Variants in SPATA1 observed in about 807,000 individuals in gnomAD.
The protein encoded by SPATA1 is spermatogenesis-associated protein 1.
A neutral mutation model predicts 59.6 loss-of-function variants in SPATA1; 57 were observed. That is an observed-to-expected ratio of 0.96 (90% CI 0.77 to 1.19). SPATA1 has a LOEUF of 1.19. Among genes scored for constraint, SPATA1 ranks in the 50% most tolerant of loss-of-function variants. SPATA1 has a pLI of 0.00. For synonymous variants in SPATA1, 147 were observed against 163.9 expected (o/e 0.90, Z 0.79); for missense variants, 448 against 480.7 (o/e 0.93, Z 0.64).
chr1:84,551,750 A>C (rs1268578518), intron 12 of SPATA1: 1 of 152,158 alleles, frequency 6.6e-6, no homozygotes, highest in East Asian at 1.9e-4. Flanking sequence ...ATATGCACTC[A>C]AAAAATAATT....
downstream of SPATA1, among the ~76,000 whole-genome samples, chr1:84,556,441 G>A (rs111898328): frequency 3.9e-3 from 600 of 152,180 alleles, 3 homozygotes; most frequent in African/African-American, 0.014. Context: ...GGCCGGGCAC[G>A]GTGTCTCAGG....
In SPATA1 at chr1:84,533,193, G is replaced by T. The variant is rs569351898; in HGVS notation, c.659+219G>T. The stretch of plus-strand genomic sequence containing the variant: ...TTCATAACTTAAATTTATTTCTATT[G>T]TAGTACTTTTATCATTGGGACAACT... On this transcript the variant is annotated intron_variant, in intron 7 of 12. Coordinates refer to ENST00000490879, the Ensembl canonical transcript of SPATA1. Among the ~76,000 whole-genome samples the T allele has an allele frequency of 4.6e-5, 7 of 152,058 alleles. No individual in the cohort carries two copies. The East Asian group carries it at 1.4e-3, about 29-fold the overall frequency.
At chr1:84,512,390 G>C (rs1682605122) in intron 1 of SPATA1, among the ~76,000 whole-genome samples, 1 of 152,102 alleles carries the variant, frequency 6.6e-6, no homozygotes, top group African/African-American at 2.4e-5. Context: ...TGCTTTTCTG[G>C]CTCCCAATCA....
chr1:84,561,732 C>T (rs953722547), intron 4 of SPATA1, among the ~76,000 whole-genome samples: 5 of 152,178 alleles, frequency 3.3e-5, no homozygotes, highest in Non-Finnish European at 2.9e-5. Flanking sequence ...CCATCAATGA[C>T]AAGGCAAGAC....
chr1:84,548,224 A>C (rs1012247045), intron 10 of SPATA1, among the ~76,000 whole-genome samples: 2 of 152,028 alleles, frequency 1.3e-5, no homozygotes, highest in Non-Finnish European at 2.9e-5. Flanking sequence ...AAAAGAAAGA[A>C]ACTAAACAAA....
In SPATA1 at chr1:84,507,376, T is replaced by G. The variant is rs188256026; in HGVS notation, c.-138+958T>G. On this transcript the variant is annotated intron_variant, in intron 1 of 12. Coordinates refer to ENST00000490879, the Ensembl canonical transcript of SPATA1. Reference sequence around the variant, plus strand: ...TCGTAAGTTTAGCATTTTACTTAATTCATACGGATGTAATGATTGGGGTTA... The same window carrying G: ...TCGTAAGTTTAGCATTTTACTTAATGCATACGGATGTAATGATTGGGGTTA... The G allele has an allele frequency of 3.3e-5, 5 of 152,362 alleles. No individual in the cohort carries two copies. In the East Asian group the frequency reaches 9.6e-4, roughly 29 times the overall value. The allele number at this position is 152,362 out of a possible 1,614,324, so 9.4% of individuals were successfully genotyped here.
chr1:84,562,998 T>C (rs898228524), intron 4 of SPATA1, among the ~76,000 whole-genome samples: 1 of 152,192 alleles, frequency 6.6e-6, no homozygotes, highest in African/African-American at 2.4e-5. Context: ...CTGTTTGTGA[T>C]ATGCACATTT....
intron 1 of SPATA1, among the ~76,000 whole-genome samples, chr1:84,513,103 A>G (rs1682641050): frequency 6.6e-6 from 1 of 152,156 alleles, no homozygotes; most frequent in African/African-American, 2.4e-5. Flanking sequence ...AAGCATGCCT[A>G]AAGTTTTTTT....
chr1:84,524,187 T>G (rs1216011691), intron 4 of SPATA1, among the ~76,000 whole-genome samples: 1 of 152,090 alleles, frequency 6.6e-6, no homozygotes, highest in Non-Finnish European at 1.5e-5. Context: ...CTTGCAAAGA[T>G]GAAAGGTGAG....
intron 6 of SPATA1, among the ~76,000 whole-genome samples, chr1:84,532,539 C>T (rs937390607): frequency 6.6e-6 from 1 of 152,034 alleles, no homozygotes; most frequent in Non-Finnish European, 1.5e-5. Context: ...ACTTACCTAC[C>T]CCGCTCTTGC....
chr1:84,554,863 C>A, downstream of SPATA1: 1 of 699,920 alleles, frequency 1.4e-6, no homozygotes, highest in Admixed American at 3.3e-5. Context: ...CAAATTCAAA[C>A]AATCAAAACA....
chr1:84,530,203 A>G (rs1457682191), intron 6 of SPATA1, among the ~76,000 whole-genome samples: 1 of 152,156 alleles, frequency 6.6e-6, no homozygotes, highest in Non-Finnish European at 1.5e-5. Flanking sequence ...TTAAGGTAGC[A>G]TAGAGAACTC....
downstream of SPATA1, among the ~76,000 whole-genome samples, chr1:84,557,530 T>A (rs1570466078): frequency 3.7e-5 from 1 of 27,122 alleles, no homozygotes; most frequent in Non-Finnish European, 6.4e-5. Flanking sequence ...CAAAACTCCA[T>A]CTCAAAAAAA....
exon 9 of SPATA1, chr1:84,544,298 A>C (rs1684011649): frequency 6.4e-7 from 1 of 1,563,996 alleles, no homozygotes; most frequent in Non-Finnish European, 8.7e-7. Context: ...TTTATTACAA[A>C]CTGAAAGTAA....
intron 8 of SPATA1, among the ~76,000 whole-genome samples, chr1:84,538,170 T>A (rs1683775188): frequency 6.6e-6 from 1 of 152,232 alleles, no homozygotes; most frequent in Non-Finnish European, 1.5e-5. Context: ...GGCCTTAGTG[T>A]CAAGTGGTGA....
At chr1:84,555,134 T>C (rs1684390979), downstream of SPATA1, 9 of 1,614,014 alleles carry the variant, frequency 5.6e-6, no homozygotes, top group Non-Finnish European at 7.6e-6. Flanking sequence ...TTTGTATATA[T>C]GTTGCCTTTA....
intron 2 of SPATA1, among the ~76,000 whole-genome samples, chr1:84,517,908 C>T (rs1282298773): frequency 1.3e-5 from 2 of 151,996 alleles, no homozygotes; most frequent in African/African-American, 4.8e-5. Context: ...ATTCCCATCA[C>T]TCAACTAATT....
At chr1:84,508,242 C>G (rs1424352831) in intron 1 of SPATA1, among the ~76,000 whole-genome samples, 1 of 151,750 alleles carries the variant, frequency 6.6e-6, no homozygotes, top group African/African-American at 2.4e-5. Flanking sequence ...CGAGATGGCA[C>G]CACTGCACTC....
At chr1:84,540,990 AC>A (rs1683880032) in intron 8 of SPATA1, among the ~76,000 whole-genome samples, 1 of 152,200 alleles carries the variant, frequency 6.6e-6, no homozygotes, top group South Asian at 2.1e-4. Flanking sequence ...GGATAGCTTG[AC>A]TGGCTATAAA....
Sources: gnomAD v4.1 joint callset for allele counts (sites outside exome capture counted in the v4.1 genomes callset) on GRCh38, gnomAD v4.1.1 for gene constraint, MANE v1.5 for transcripts, NCBI Gene and HGNC (gene_info 2026-07-23, HGNC 2026-07-21) for gene names.